PTPRN2: variants seen among roughly 807,000 people sequenced by gnomAD.
PTPRN2 encodes receptor-type tyrosine-protein phosphatase N2.
PTPRN2 carries 74 observed loss-of-function variants against 118.8 expected under a neutral mutation model. The ratio of observed to expected loss-of-function variants is 0.62; its 90% CI spans 0.52 to 0.76. The LOEUF (loss-of-function observed/expected upper bound fraction) is 0.76. Ranked by LOEUF, PTPRN2 falls within the 30% of genes least tolerant of loss-of-function variation. The pLI, the probability that PTPRN2 is intolerant of heterozygous loss-of-function variation, is 0.00. For missense variants in PTPRN2, 1,481 were observed against 1,394.4 expected (o/e 1.06, Z -0.99); for synonymous variants, 641 against 608.0 (o/e 1.05, Z -0.80).
At chr7:158,193,373 G>C (rs1825933665) in intron 4 of PTPRN2, among the ~76,000 whole-genome samples, 1 of 152,194 alleles carries the variant, frequency 6.6e-6, no homozygotes, top group Non-Finnish European at 1.5e-5. Context: ...CTTGCCAGTG[G>C]GGCCCCCATC....
intron 3 of PTPRN2, among the ~76,000 whole-genome samples, chr7:158,276,263 CTCTGG>C (rs1798969109): frequency 3.7e-5 from 1 of 27,356 alleles, no homozygotes; most frequent in African/African-American, 7.6e-5. Context: ...CACCCCCACA[CTCTGG>C]CCCCAACAGG....
intron 1 of PTPRN2, among the ~76,000 whole-genome samples, chr7:158,533,393 G>C (rs1037455028): frequency 6.6e-6 from 1 of 152,184 alleles, no homozygotes; most frequent in East Asian, 1.9e-4. Flanking sequence ...AGGACCCTCC[G>C]CATCTGGCTG....
intron 3 of PTPRN2, among the ~76,000 whole-genome samples, chr7:158,297,558 C>T (rs1800589867): frequency 6.6e-6 from 1 of 152,158 alleles, no homozygotes; most frequent in Admixed American, 6.5e-5. Flanking sequence ...CTCATTTCTC[C>T]TTTGACTACA....
chr7:158,416,875 C>T (rs539979611), intron 2 of PTPRN2, among the ~76,000 whole-genome samples: 1 of 152,308 alleles, frequency 6.6e-6, no homozygotes, highest in East Asian at 1.9e-4. Context: ...CACTTCACCA[C>T]CACAAAATGG....
At chr7:158,557,555 G>C (rs954176226) in intron 1 of PTPRN2, among the ~76,000 whole-genome samples, 1 of 152,236 alleles carries the variant, frequency 6.6e-6, no homozygotes, top group African/African-American at 2.4e-5. Context: ...CGCTCAACCC[G>C]TGGCTGGCTG....
rs199642558 is a variant in PTPRN2 at position 158,312,879 on chromosome 7, CAT to C, written c.277+3938_277+3939del. On this transcript the variant is annotated intron_variant, in intron 3 of 22. Coordinates refer to ENST00000389418, the MANE Select transcript of PTPRN2 (RefSeq NM_002847.5). ...ATGTGTGTGGATGTCTACACATGAG[CAT>C]GTGTGTGTGCAGGTGTGCATGCATG... 9.6e-3 allele frequency among the ~76,000 whole-genome samples: 1,447 copies of C among 151,072 alleles called. 23 individuals are homozygous for C. Among genetic ancestry groups the C allele is most frequent in the African/African-American group, 0.033 (1,372 of 41,152 alleles).
In PTPRN2 at chr7:157,801,006, T is replaced by TATACATATACACACAC. The variant is rs1805250531; in HGVS notation, c.1788+97651_1788+97666dup. Reference sequence around the variant, plus strand: ...ATACACACACATATATATACACACATATACATATACACACACATATATATA... The same window carrying TATACATATACACACAC: ...ATACACACACATATATATACACACATATACATATACACACACATACATATACACACACATATATATA... On this transcript the variant is annotated intron_variant, in intron 12 of 22. Transcript: ENST00000389418. This position sits in a 1 kb window ranked among gnomAD's most constrained non-coding sequence, Gnocchi z 4.2. Among the ~76,000 whole-genome samples the TATACATATACACACAC allele has an allele frequency of 6.6e-6, 1 of 150,636 alleles. No individual in the cohort carries two copies. Among genetic ancestry groups the TATACATATACACACAC allele is most frequent in the African/African-American group, 2.4e-5 (1 of 40,868 alleles).
chr7:157,543,989 G>A (rs1041551358), intron 22 of PTPRN2, among the ~76,000 whole-genome samples: 4 of 152,094 alleles, frequency 2.6e-5, no homozygotes, highest in Admixed American at 6.5e-5. Context: ...ACAGAGAGAG[G>A]TGGAGAGAGA....
At position 157,869,089 on chromosome 7, in the gene PTPRN2, G is replaced by C. The variant is rs985317674; in HGVS notation, c.1788+29584C>G. On this transcript the variant is annotated intron_variant, in intron 12 of 22. Transcript: ENST00000389418. The surrounding 1 kb of genome is among the most constrained non-coding windows in gnomAD (Gnocchi z 4.2). ...TAAGTTTTAAAATGCGTGTGAGCAA[G>C]TCAAATTTCTGATGTTTCCCTGGAT... The C allele has an allele frequency of 2.0e-5, 3 of 152,230 alleles. No individual in the cohort carries two copies. The highest frequency in any genetic ancestry group is 3.8e-4 in the East Asian group (2 of 5,198). The allele number at this position is 152,230 out of a possible 1,614,324, so 9.4% of individuals were successfully genotyped here.
At chr7:157,716,729 T>C (rs372948755) in intron 12 of PTPRN2, among the ~76,000 whole-genome samples, 2 of 48,544 alleles carry the variant, frequency 4.1e-5, no homozygotes, top group Admixed American at 1.9e-4. Flanking sequence ...CCTGGCCACG[T>C]AGACTCTGCG....
chr7:158,384,307 C>G (rs1811170378), intron 2 of PTPRN2, among the ~76,000 whole-genome samples: 1 of 152,162 alleles, frequency 6.6e-6, no homozygotes, highest in Non-Finnish European at 1.5e-5. Context: ...CGGCCAGACA[C>G]CAACACATCT....
At chr7:157,549,322 C>CTTTTTT (rs5888720) in intron 21 of PTPRN2, among the ~76,000 whole-genome samples, 1 of 139,510 alleles carries the variant, frequency 7.2e-6, no homozygotes. Flanking sequence ...TCTTTCTTTT[C>CTTTTTT]TTTTTTTTTT....
At chr7:158,192,213 G>T in intron 5 of PTPRN2, 114 bp downstream of exon 5, 1 of 1,223,346 alleles carries the variant, frequency 8.2e-7, no homozygotes, top group Non-Finnish European at 1.1e-6. Context: ...ATGCCCGCTG[G>T]CCCGGGAAAC....
intron 12 of PTPRN2, among the ~76,000 whole-genome samples, chr7:157,820,663 TACAC>T (rs770294702): frequency 6.6e-6 from 1 of 152,066 alleles, no homozygotes; most frequent in Non-Finnish European, 1.5e-5. Flanking sequence ...CACACACACA[TACAC>T]ACACCTTCAC....
At chr7:157,837,592 G>T (rs546606258) in intron 12 of PTPRN2, among the ~76,000 whole-genome samples, 2 of 152,156 alleles carry the variant, frequency 1.3e-5, no homozygotes, top group East Asian at 1.9e-4. Context: ...GACAGCCTCT[G>T]CTGGGTCATG....
intron 12 of PTPRN2, among the ~76,000 whole-genome samples, chr7:157,895,959 C>G (rs762241329): frequency 2.6e-5 from 4 of 151,960 alleles, no homozygotes; most frequent in Non-Finnish European, 5.9e-5. Flanking sequence ...AAAGAGATGG[C>G]GAGGGGTAGC....
chr7:157,834,756 C>T (rs1308827321), intron 12 of PTPRN2, among the ~76,000 whole-genome samples: 1 of 152,260 alleles, frequency 6.6e-6, no homozygotes, highest in African/African-American at 2.4e-5. Context: ...GGGAGGACCC[C>T]AGGCGGGTGT....
At chr7:158,023,020 C>T (rs1807013115) in intron 11 of PTPRN2, among the ~76,000 whole-genome samples, 1 of 152,226 alleles carries the variant, frequency 6.6e-6, no homozygotes, top group Non-Finnish European at 1.5e-5. Context: ...GCTTTGTTTT[C>T]AGTGTGCATT....
rs183306030 is a variant in PTPRN2 at position 158,283,099 on chromosome 7, T to G, written c.277+33720A>C. 6.1e-3 allele frequency among the ~76,000 whole-genome samples: 933 copies of G among 152,254 alleles called. 15 individuals carry two copies. Among genetic ancestry groups the G allele is most frequent in the South Asian group, 7.0e-3 (34 of 4,826 alleles). The stretch of plus-strand genomic sequence containing the variant: ...GAAAACACTCTTGAGAGAAGAGAAC[T>G]GAGGAAAGGTAGCGCTGATGTCAGG... On this transcript the variant is annotated intron_variant, in intron 3 of 22. Transcript: ENST00000389418.
Sources: gnomAD v4.1 joint callset for allele counts (sites outside exome capture counted in the v4.1 genomes callset) on GRCh38, gnomAD v4.1.1 for gene constraint, Gnocchi (gnomAD v3.1) non-coding constraint, MANE v1.5 for transcripts, NCBI Gene and HGNC (gene_info 2026-07-23, HGNC 2026-07-21) for gene names.